FYCO1: variants seen among roughly 807,000 people sequenced by gnomAD.
FYCO1 encodes FYVE and coiled-coil domain-containing protein 1.
In FYCO1, 122 loss-of-function variants were observed where a neutral mutation model predicts 165.1. The ratio of observed to expected loss-of-function variants is 0.74; its 90% CI spans 0.64 to 0.86. The LOEUF is 0.86. Ranked by LOEUF, FYCO1 falls within the 40% of genes least tolerant of loss-of-function variation. FYCO1 has a pLI of 0.00. For synonymous variants in FYCO1, 648 were observed against 742.5 expected, an observed-to-expected ratio of 0.87 and a Z score of 2.07; for missense variants, 1,702 against 1,810.3, an observed-to-expected ratio of 0.94 and a Z score of 1.09.
At chr3:45,938,201 A>G in intron 14 of FYCO1, 1 of 1,288,870 alleles carries the variant, frequency 7.8e-7, no homozygotes, top group Non-Finnish European at 1.0e-6. Flanking sequence ...ATTACCTGCA[A>G]GCAGATGATT....
intron 16 of FYCO1, among the ~76,000 whole-genome samples, chr3:45,925,513 C>A (rs754835286): frequency 6.6e-6 from 1 of 152,118 alleles, no homozygotes; most frequent in Non-Finnish European, 1.5e-5. Context: ...ACATTTTTAA[C>A]TTGTACAAAA....
chr3:45,942,380 G>T (rs1704281419), intron 14 of FYCO1, among the ~76,000 whole-genome samples: 1 of 152,226 alleles, frequency 6.6e-6, no homozygotes, highest in African/African-American at 2.4e-5. Context: ...TTAGTCTCTG[G>T]ATCCTGAGGC....
At chr3:45,994,156 G>A (rs1707685696) in intron 1 of FYCO1, among the ~76,000 whole-genome samples, 1 of 151,666 alleles carries the variant, frequency 6.6e-6, no homozygotes, top group African/African-American at 2.4e-5. Context: ...AGGGGCAAAG[G>A]TCATCGGAAC....
At chr3:45,958,274 T>C in intron 13 of FYCO1, 134 bp downstream of exon 13, 1 of 732,026 alleles carries the variant, frequency 1.4e-6, no homozygotes, top group Non-Finnish European at 2.4e-6. Flanking sequence ...GGTGGTAATA[T>C]ATTTTAGCAC....
At chr3:45,931,660 C>T (rs1238517896) in intron 15 of FYCO1, among the ~76,000 whole-genome samples, 1 of 152,220 alleles carries the variant, frequency 6.6e-6, no homozygotes, top group Non-Finnish European at 1.5e-5. Context: ...CCTGAAGATG[C>T]CCTGCTGCTC....
Position 45,955,405 on chromosome 3 carries a change from A to G in FYCO1, c.3800-12T>C. ...GTCTGTATTTGCTCCTGGGCAGCAGAGGCAGATCAGGAGAGAAGAGACACA... is the reference window on the plus strand; with the variant it reads ...GTCTGTATTTGCTCCTGGGCAGCAGGGGCAGATCAGGAGAGAAGAGACACA... On this transcript the variant is annotated splice_polypyrimidine_tract_variant and intron_variant, in intron 13 of 17. Transcript: ENST00000296137. 6.2e-7 allele frequency: 1 copy of G among 1,614,116 alleles called. No individual in the cohort carries two copies. Among genetic ancestry groups the G allele is most frequent in the Non-Finnish European group, 8.5e-7 (1 of 1,180,012 alleles).
chr3:45,976,714 T>C (rs1326296697), intron 4 of FYCO1, among the ~76,000 whole-genome samples: 2 of 152,228 alleles, frequency 1.3e-5, no homozygotes, highest in East Asian at 3.8e-4. Context: ...ATGCCAGTGA[T>C]TGAGGCTGTA....
At chr3:45,969,837 C>A in intron 6 of FYCO1, 72 bp from the exon 7 acceptor site, 1 of 1,292,910 alleles carries the variant, frequency 7.7e-7, no homozygotes, top group Non-Finnish European at 1.1e-6. Context: ...TTGCTGGTCA[C>A]TAGGCAACCA....
intron 5 of FYCO1, among the ~76,000 whole-genome samples, chr3:45,973,610 CT>C (rs1706569576): frequency 6.6e-6 from 1 of 152,198 alleles, no homozygotes; most frequent in South Asian, 2.1e-4. Context: ...ACTAAACTCA[CT>C]GCTAATTTCT....
rs1704692435 is a variant in FYCO1 at position 45,947,419 on chromosome 3, G to A, written c.3944+7830C>T. On this transcript the variant is annotated intron_variant, in intron 14 of 17. Coordinates refer to ENST00000296137, the MANE Select transcript of FYCO1 (RefSeq NM_024513.4). ...GACATTGGTTGCCTCCCTTACCTTG[G>A]GGTCTCACATCAATGGAAATCTTCT... 1 of 1,614,042 alleles carries A rather than the reference G, an allele frequency of 6.2e-7. No homozygotes were observed. The highest frequency in any genetic ancestry group is 1.3e-5 in the African/African-American group (1 of 74,906).
In FYCO1 at chr3:45,966,439, C is replaced by G. The variant is rs1418268840; in HGVS notation, c.2895G>C (p.Leu965=). 6.2e-7 allele frequency: 1 copy of G among 1,612,592 alleles called. No homozygotes were observed. ...AGCCGGCTGCTGCCTTGGCCGCCTTCAGCTTCTCCTGCAAGCTCTCCTTCT... is the reference window on the plus strand; with the variant it reads ...AGCCGGCTGCTGCCTTGGCCGCCTTGAGCTTCTCCTGCAAGCTCTCCTTCT... ...QQEKESLQEK[L]KAAKAAAGSL... The change falls in exon 8 of 18, where the codon CTG becomes CTC. Residue 965 remains leucine, a synonymous_variant. Transcript: ENST00000296137.
intron 16 of FYCO1, 130 bp from the exon 17 acceptor site, chr3:45,923,895 G>C: frequency 1.4e-6 from 1 of 713,278 alleles, no homozygotes; most frequent in Non-Finnish European, 2.6e-6. Context: ...AGCAGAGCCG[G>C]AGCTGTGACC....
intron 14 of FYCO1, among the ~76,000 whole-genome samples, chr3:45,936,887 C>T (rs189674743): frequency 1.3e-5 from 2 of 152,338 alleles, no homozygotes; most frequent in African/African-American, 4.8e-5. Flanking sequence ...GACCAAGGTA[C>T]CAGCACCACT....
At position 45,964,630 on chromosome 3, in the gene FYCO1, G is replaced by A. The variant is rs1705893329; in HGVS notation, c.3151-176C>T. 3 of 822,654 alleles carry A rather than the reference G, an allele frequency of 3.6e-6. No homozygotes were observed. Among genetic ancestry groups the A allele is most frequent in the Non-Finnish European group, 2.9e-6 (2 of 681,254 alleles). 51.0% of individuals were successfully genotyped at this position (822,654 alleles called of 1,614,324 possible). A position where few individuals can be genotyped will look rare whatever the true frequency, so the allele number is the denominator to read the frequency against. On this transcript the variant is annotated intron_variant, in intron 9 of 17. Transcript: ENST00000296137. This position sits in a 1 kb window ranked among gnomAD's most constrained non-coding sequence, Gnocchi z 4.1. ...GCTCTATATTTGTGGGGCCTCAACTGCAACTAGTTGTGGTGGTTGGCAAGT... is the reference window on the plus strand; with the variant it reads ...GCTCTATATTTGTGGGGCCTCAACTACAACTAGTTGTGGTGGTTGGCAAGT...
At position 45,993,927 on chromosome 3, in the gene FYCO1, G is replaced by T. The variant is rs1007138688; in HGVS notation, c.-113+1795C>A. ...AAAGGGAAGCAGGGTGGGTGGGGGT[G>T]AGGGGGCTGCCATTTCTTGCGTACC... is the stretch of plus-strand genomic sequence containing the variant. On this transcript the variant is annotated intron_variant, in intron 1 of 17. Coordinates refer to ENST00000296137, the MANE Select transcript of FYCO1 (RefSeq NM_024513.4). This position sits in a 1 kb window ranked among gnomAD's most constrained non-coding sequence, Gnocchi z 4.4. 1.3e-5 allele frequency among the ~76,000 whole-genome samples: 2 copies of T among 151,792 alleles called. No homozygotes were observed. Among genetic ancestry groups the T allele is most frequent in the African/African-American group, 4.8e-5 (2 of 41,410 alleles).
At chr3:45,981,385 A>G (rs973146955) in intron 3 of FYCO1, among the ~76,000 whole-genome samples, 185 bp downstream of exon 3, 2 of 152,192 alleles carry the variant, frequency 1.3e-5, no homozygotes, top group African/African-American at 4.8e-5. Flanking sequence ...CAACATTGCA[A>G]TTCCCCAAAG....
chr3:45,946,820 C>T (rs759803649), intron 14 of FYCO1: 1 of 1,614,226 alleles, frequency 6.2e-7, no homozygotes, highest in South Asian at 1.1e-5. Context: ...CTATTAACTT[C>T]TACACGTCCA....
chr3:45,967,979 A>C lies in FYCO1; in HGVS notation c.1355T>G (p.Met452Arg), dbSNP rs1383848874. 6.2e-7 allele frequency: 1 copy of C among 1,613,856 alleles called. No individual in the cohort carries two copies. Among genetic ancestry groups the C allele is most frequent in the Non-Finnish European group, 8.5e-7 (1 of 1,180,014 alleles). ...AGACAACTCCTCCTGGAGTGGGGCC[A>C]TCTCCTTCACCAGGCGCTCCAGGCT... Reference protein sequence around the residue: ...RASLERLVKEMAPLQEELSGK... With the variant: ...RASLERLVKERAPLQEELSGK... Residue 452 changes from methionine to arginine, a missense_variant, in exon 8 of 18, where the codon ATG (methionine) becomes AGG (arginine). By Grantham distance (91) the Met-to-Arg change is moderately conservative (BLOSUM62 -1). Coordinates refer to ENST00000296137, the MANE Select transcript of FYCO1 (RefSeq NM_024513.4).
chr3:45,965,764 G>T (rs2125847942), intron 8 of FYCO1, among the ~76,000 whole-genome samples: 1 of 152,296 alleles, frequency 6.6e-6, no homozygotes, highest in East Asian at 1.9e-4. Context: ...CCTCTGCAGG[G>T]GTTTTAGAGG....
Sources: allele counts gnomAD v4.1 joint callset (sites outside exome capture counted in the v4.1 genomes callset), GRCh38; gene constraint gnomAD v4.1.1; non-coding constraint Gnocchi (gnomAD v3.1); transcripts MANE v1.5; gene names NCBI Gene and HGNC (gene_info 2026-07-23, HGNC 2026-07-21).